The following NKAIN2 variants were observed in gnomAD, a reference collection of about 807,000 sequenced individuals.
NKAIN2 encodes the protein sodium/potassium transporting ATPase interacting 2, also known as sodium/potassium-transporting ATPase subunit beta-1-interacting protein 2.
Under a neutral mutation model 32.6 loss-of-function variants are expected in NKAIN2, and 14 were observed. That is an observed-to-expected ratio of 0.43 (90% CI 0.28 to 0.67). The LOEUF is 0.67. NKAIN2 is among the 30% of genes least tolerant of loss of function. NKAIN2 has a pLI of 0.17. For synonymous variants in NKAIN2, 80 were observed against 87.2 expected, an observed-to-expected ratio of 0.92 and a Z score of 0.46; for missense variants, 198 against 258.3, an observed-to-expected ratio of 0.77 and a Z score of 1.60.
chr6:124,197,980 G>A (rs886515153), intron 1 of NKAIN2, among the ~76,000 whole-genome samples: 1 of 151,640 alleles, frequency 6.6e-6, no homozygotes, highest in Non-Finnish European at 1.5e-5. Context: ...GCCAGCTTTC[G>A]AAATCTGCCA....
intron 1 of NKAIN2, among the ~76,000 whole-genome samples, chr6:124,103,717 A>G (rs548353131): frequency 6.6e-6 from 1 of 152,324 alleles, no homozygotes; most frequent in South Asian, 2.1e-4. Flanking sequence ...AAAGTGATGA[A>G]TATTAGTATA....
chr6:124,773,776 G>C lies in NKAIN2; in HGVS notation c.475-17563G>C, dbSNP rs139557703. On this transcript the variant is annotated intron_variant, in intron 4 of 6. Transcript: ENST00000368417. ...GAAAAATAATAGAGTGGGGTTAGTA[G>C]TGTGAGTGCCAAGAAAGGTGCAATT... Among the ~76,000 whole-genome samples the C allele has an allele frequency of 9.2e-5, 14 of 152,284 alleles. No homozygotes were observed. The East Asian group carries it at 2.7e-3, about 29-fold the overall frequency.
chr6:124,482,821 G>C lies in NKAIN2; in HGVS notation c.273+127474G>C, dbSNP rs142626172. Among the ~76,000 whole-genome samples the C allele has an allele frequency of 2.5e-3, 374 of 152,246 alleles. 2 individuals carry two copies. Among genetic ancestry groups the C allele is most frequent in the African/African-American group, 7.5e-3 (311 of 41,546 alleles). ...TTTTACATGTTTTGCTAATAACAAT[G>C]GTGATCAACTATACTCTATAAGAAA... On this transcript the variant is annotated intron_variant, in intron 3 of 6. Transcript: ENST00000368417.
chr6:124,463,505 C>CA (rs528284508), intron 3 of NKAIN2, among the ~76,000 whole-genome samples: 334 of 152,138 alleles, frequency 2.2e-3, no homozygotes, highest in African/African-American at 7.7e-3. Context: ...ACACCTGTTC[C>CA]AGCCACTGTT....
At chr6:124,233,982 T>C (rs1792602433) in intron 1 of NKAIN2, among the ~76,000 whole-genome samples, 1 of 152,180 alleles carries the variant, frequency 6.6e-6, no homozygotes, top group African/African-American at 2.4e-5. Context: ...CACCTGCTCG[T>C]CTATGCTGTA....
chr6:123,835,935 C>T (rs187249947), intron 1 of NKAIN2, among the ~76,000 whole-genome samples: 2 of 152,166 alleles, frequency 1.3e-5, no homozygotes, highest in Non-Finnish European at 2.9e-5. Context: ...ATCAAATACT[C>T]ACCTGTAAAA....
chr6:124,750,357 T>C (rs2325792), intron 4 of NKAIN2, among the ~76,000 whole-genome samples: 145,808 of 151,972 alleles, frequency 0.96, 70,208 homozygotes, highest in East Asian at 1. Context: ...CACTATCACA[T>C]TTTAGTGGGC....
intron 4 of NKAIN2, among the ~76,000 whole-genome samples, chr6:124,779,698 T>C (rs1186583067): frequency 6.6e-6 from 1 of 152,154 alleles, no homozygotes; most frequent in Non-Finnish European, 1.5e-5. Flanking sequence ...AATGATTAGA[T>C]ATGTGAGACC....
chr6:124,002,218 G>A (rs969145091), intron 1 of NKAIN2, among the ~76,000 whole-genome samples: 2 of 151,932 alleles, frequency 1.3e-5, no homozygotes, highest in Admixed American at 1.3e-4. Context: ...GGATGCTCCC[G>A]GTATATCTAA....
At chr6:124,718,282 A>G (rs1775851545) in intron 4 of NKAIN2, among the ~76,000 whole-genome samples, 1 of 152,130 alleles carries the variant, frequency 6.6e-6, no homozygotes, top group Non-Finnish European at 1.5e-5. Flanking sequence ...CTTTCTTTAT[A>G]TACAGATTTC....
chr6:123,823,078 G>A (rs1174174253), intron 1 of NKAIN2, among the ~76,000 whole-genome samples: 1 of 152,184 alleles, frequency 6.6e-6, no homozygotes, highest in Non-Finnish European at 1.5e-5. Context: ...AGGCTGGGGT[G>A]AGGAAGACCA....
At chr6:124,485,685 A>T (rs1414179235) in intron 3 of NKAIN2, among the ~76,000 whole-genome samples, 2 of 152,034 alleles carry the variant, frequency 1.3e-5, no homozygotes, top group Admixed American at 6.6e-5. Flanking sequence ...TGACCCTATG[A>T]TTTTTATCTG....
At chr6:124,503,355 A>G (rs1286291195) in intron 3 of NKAIN2, among the ~76,000 whole-genome samples, 1 of 152,154 alleles carries the variant, frequency 6.6e-6, no homozygotes, top group Non-Finnish European at 1.5e-5. Context: ...TCATAGAGAC[A>G]TCTCTGTTAC....
At chr6:124,428,284 C>A (rs180985543) in intron 3 of NKAIN2, among the ~76,000 whole-genome samples, 1 of 151,932 alleles carries the variant, frequency 6.6e-6, no homozygotes, top group East Asian at 1.9e-4. Context: ...TAGAAAATAC[C>A]ACCGAAGAGC....
At chr6:124,452,789 A>T (rs978479632) in intron 3 of NKAIN2, among the ~76,000 whole-genome samples, 10 of 152,172 alleles carry the variant, frequency 6.6e-5, no homozygotes, top group African/African-American at 2.4e-4. Context: ...TATTAATGTT[A>T]AAAATTTCAT....
At chr6:124,497,645 A>G (rs1224913474) in intron 3 of NKAIN2, among the ~76,000 whole-genome samples, 2 of 152,124 alleles carry the variant, frequency 1.3e-5, no homozygotes, top group Non-Finnish European at 2.9e-5. Flanking sequence ...TAGCCTATAT[A>G]AAGTAAAATT....
intron 4 of NKAIN2, among the ~76,000 whole-genome samples, chr6:124,687,741 TATACACACAC>T (rs1405036085): frequency 1.7e-4 from 5 of 30,000 alleles, no homozygotes; most frequent in African/African-American, 3.6e-4. Context: ...ATATATGATA[TATACACACAC>T]ACACACACAC....
At chr6:123,916,239 T>G (rs1015458574) in intron 1 of NKAIN2, among the ~76,000 whole-genome samples, 1 of 152,084 alleles carries the variant, frequency 6.6e-6, no homozygotes, top group African/African-American at 2.4e-5. Context: ...AGGGATGTTC[T>G]GAGTTAACTC....
chr6:123,937,292 G>T (rs1776558574), intron 1 of NKAIN2, among the ~76,000 whole-genome samples: 1 of 151,982 alleles, frequency 6.6e-6, no homozygotes, highest in Non-Finnish European at 1.5e-5. Flanking sequence ...TTAACTCATT[G>T]GATGTGTCTT....
Sources: allele counts gnomAD v4.1 joint callset (sites outside exome capture counted in the v4.1 genomes callset), GRCh38; gene constraint gnomAD v4.1.1; transcripts MANE v1.5; gene names NCBI Gene and HGNC (gene_info 2026-07-23, HGNC 2026-07-21).